Variants in KBTBD3 observed in about 807,000 individuals in gnomAD.
The protein encoded by KBTBD3 is kelch repeat and BTB domain containing 3, also known as kelch repeat and BTB domain-containing protein 3.
A neutral mutation model predicts 49.6 loss-of-function variants in KBTBD3; 38 were observed. That is an observed-to-expected ratio of 0.77 (90% CI 0.59 to 1.00). The LOEUF (loss-of-function observed/expected upper bound fraction) is 1.00. Ranked by LOEUF, KBTBD3 falls within the 50% of genes least tolerant of loss-of-function variation. The probability of loss-of-function intolerance (pLI) is 0.00; values close to 1 mark genes in which losing one functional copy is unlikely to be tolerated. For missense variants in KBTBD3, 661 were observed against 712.0 expected, an observed-to-expected ratio of 0.93 and a Z score of 0.81; for synonymous variants, 214 against 250.4, an observed-to-expected ratio of 0.85 and a Z score of 1.37.
intron 2 of KBTBD3, among the ~76,000 whole-genome samples, chr11:106,063,882 G>A (rs1457287517): frequency 6.6e-6 from 1 of 152,132 alleles, no homozygotes; most frequent in African/African-American, 2.4e-5. Context: ...AGTAAGCCGA[G>A]ATCCTAACAC....
intron 2 of KBTBD3, among the ~76,000 whole-genome samples, chr11:106,072,468 T>C (rs953521253): frequency 6.6e-6 from 1 of 152,176 alleles, no homozygotes; most frequent in Non-Finnish European, 1.5e-5. Context: ...TAAAATAGTG[T>C]ACTTTTAAGA....
intron 2 of KBTBD3, among the ~76,000 whole-genome samples, chr11:106,066,503 T>C (rs1221982912): frequency 6.6e-6 from 1 of 152,142 alleles, no homozygotes; most frequent in Non-Finnish European, 1.5e-5. Flanking sequence ...ATTTCCAAAA[T>C]GAATCATTCT....
chr11:106,075,459 A>G (rs1443711646), intron 2 of KBTBD3: 2 of 152,224 alleles, frequency 1.3e-5, no homozygotes, highest in Admixed American at 1.3e-4. Flanking sequence ...AGTACTGTAC[A>G]TTCTATTTTG....
chr11:106,054,666 T>G (rs1446332474), intron 3 of KBTBD3, among the ~76,000 whole-genome samples: 1 of 151,798 alleles, frequency 6.6e-6, no homozygotes, highest in African/African-American at 2.4e-5. Context: ...TACAAAAATG[T>G]ACATTACAGC....
In KBTBD3 at chr11:106,052,962, C is replaced by T. The variant is rs993797448; in HGVS notation, c.1727G>A (p.Arg576Lys). The change falls in exon 4 of 4, where the codon AGG becomes AAG. Residue 576 changes from arginine (R) to lysine (K), a missense_variant. By Grantham distance (26) the Arg-to-Lys change is conservative. Transcript: ENST00000531837. The part of the protein sequence containing the change: ...TDEVQVYHSN[R>K]SEWEEVSPMP... ...TGGTGAAACTTCTTCCCATTCAGAC[C>T]TGTTGCTGTGGTAGACCTGCACTTC... 1.2e-6 allele frequency: 2 copies of T among 1,613,716 alleles called. No homozygotes were observed. The highest frequency in any genetic ancestry group is 4.5e-5 in the East Asian group (2 of 44,870).
rs1472178835 is a variant in KBTBD3, at chr11:106,054,202, T to C, written c.487A>G (p.Ser163Gly). 1.2e-5 allele frequency: 19 copies of C among 1,612,960 alleles called. No individual in the cohort carries two copies. The highest frequency in any genetic ancestry group is 1.6e-5 in the Non-Finnish European group (19 of 1,179,394). Residue 163 changes from serine to glycine, a missense_variant, in exon 4 of 4, where the codon AGC becomes GGC. By Grantham distance (56) the Ser-to-Gly change is moderately conservative. Coordinates refer to ENST00000531837, the MANE Select transcript of KBTBD3 (RefSeq NM_198439.3). ...NCLQLLSISD[S>G]YGSTSLFDHA... ...TCAAACAAACTGGTGGAGCCATAGC[T>C]ATCTGATATAGATAATAACTGTAAA...
In KBTBD3 at chr11:106,059,067, A is replaced by G; in HGVS notation, c.31T>C (p.Phe11Leu). ...CCATTACATGTGCTTCGTTGATTGA[A>G]AGCATATGAATTATCCATAGCCAAT... MELAMDNSYA[F>L]NQRSTCNGIP... is the part of the protein sequence containing the mutation. The change falls in exon 3 of 4, where the codon TTC becomes CTC. Residue 11 changes from phenylalanine to leucine, a missense_variant. Phe to Leu is a conservative substitution (Grantham distance 22). Transcript: ENST00000531837. 6.4e-7 allele frequency: 1 copy of G among 1,553,844 alleles called. No individual in the cohort carries two copies.
intron 2 of KBTBD3, among the ~76,000 whole-genome samples, chr11:106,072,549 C>CT (rs1352421732): frequency 6.6e-6 from 1 of 151,886 alleles, no homozygotes; most frequent in African/African-American, 2.4e-5. Flanking sequence ...GATTGTTATT[C>CT]TTTTTTTTAA....
At chr11:106,066,648 T>C (rs1051969734) in intron 2 of KBTBD3, among the ~76,000 whole-genome samples, 4 of 151,448 alleles carry the variant, frequency 2.6e-5, no homozygotes, top group Non-Finnish European at 5.9e-5. Context: ...TACATGATAA[T>C]ACCAGCTAAT....
intron 1 of KBTBD3, among the ~76,000 whole-genome samples, 163 bp from the exon 2 acceptor site, chr11:106,076,870 G>A (rs1026783484): frequency 9.9e-5 from 15 of 152,218 alleles, no homozygotes; most frequent in Non-Finnish European, 1.3e-4. Context: ...TAGTGCTCTA[G>A]CCCAGGCTTG....
At chr11:106,075,637 A>T (rs990530985) in intron 2 of KBTBD3, 2 of 152,246 alleles carry the variant, frequency 1.3e-5, no homozygotes, top group Non-Finnish European at 2.9e-5. Flanking sequence ...TTGTAAAACC[A>T]CACAGGGAAG....
intron 2 of KBTBD3, chr11:106,075,455 G>A (rs1193523606): frequency 6.6e-6 from 1 of 152,096 alleles, no homozygotes; most frequent in East Asian, 1.9e-4. Context: ...CTCAAGTACT[G>A]TACATTCTAT....
At chr11:106,071,465 C>T (rs1378707035) in intron 2 of KBTBD3, among the ~76,000 whole-genome samples, 1 of 152,036 alleles carries the variant, frequency 6.6e-6, no homozygotes, top group Non-Finnish European at 1.5e-5. Context: ...GATGTAAACA[C>T]AAAGTTATTT....
chr11:106,074,800 T>C (rs1860996809), intron 2 of KBTBD3, among the ~76,000 whole-genome samples: 2 of 152,162 alleles, frequency 1.3e-5, no homozygotes, highest in African/African-American at 2.4e-5. Context: ...ATTTTAGAAA[T>C]AGAGCCAAAA....
chr11:106,077,049 G>C (rs948273508), intron 1 of KBTBD3, among the ~76,000 whole-genome samples: 3 of 152,182 alleles, frequency 2.0e-5, no homozygotes, highest in East Asian at 3.9e-4. Flanking sequence ...TGCTGCTAAG[G>C]GTCGGGAGCG....
chr11:106,064,543 C>CTAAATAAA lies in KBTBD3; in HGVS notation c.-12-5442_-12-5435dup, dbSNP rs71041645. On this transcript the variant is annotated intron_variant, in intron 2 of 3. Transcript: ENST00000531837. ...TGGGTGACAGAGTGAGGCTCTGTTT[C>CTAAATAAA]TAAATAAATAAATAAATATAAAAGG... Among the ~76,000 whole-genome samples the CTAAATAAA allele has an allele frequency of 2.2e-3, 329 of 148,684 alleles. 1 individual carries two copies. Among genetic ancestry groups the CTAAATAAA allele is most frequent in the African/African-American group, 5.5e-3 (223 of 40,236 alleles).
chr11:106,077,017 G>A (rs992090666), intron 1 of KBTBD3, among the ~76,000 whole-genome samples: 6 of 152,168 alleles, frequency 3.9e-5, no homozygotes, highest in Non-Finnish European at 7.3e-5. Context: ...CTCGGCCTTC[G>A]GAGGGAGGGT....
chr11:106,059,627 G>T (rs1452022743), intron 2 of KBTBD3, among the ~76,000 whole-genome samples: 1 of 152,188 alleles, frequency 6.6e-6, no homozygotes, highest in Non-Finnish European at 1.5e-5. Context: ...GCATTAATTA[G>T]TTATGGCTTT....
At chr11:106,076,373 C>T (rs1255802099) in intron 2 of KBTBD3, 134 bp downstream of exon 2, 1 of 152,074 alleles carries the variant, frequency 6.6e-6, no homozygotes, top group African/African-American at 2.4e-5. Context: ...GCTCAGAATC[C>T]CATCTACTTT....
Sources: allele counts gnomAD v4.1 joint callset (sites outside exome capture counted in the v4.1 genomes callset), GRCh38; gene constraint gnomAD v4.1.1; transcripts MANE v1.5; gene names NCBI Gene and HGNC (gene_info 2026-07-23, HGNC 2026-07-21).